TBX6: variants seen among roughly 807,000 people sequenced by gnomAD.
TBX6 encodes the protein T-box transcription factor TBX6.
Under a neutral mutation model 42.3 loss-of-function variants are expected in TBX6, and 29 were observed. That is an observed-to-expected ratio of 0.69 (90% confidence interval 0.51 to 0.93). The LOEUF is 0.93. Ranked by LOEUF, TBX6 falls within the 40% of genes least tolerant of loss-of-function variation. The pLI is 0.00. For missense variants in TBX6, 569 were observed against 603.3 expected (o/e 0.94, Z 0.59); for synonymous variants, 249 against 245.1 (o/e 1.02, Z -0.15).
Position 30,088,542 on chromosome 16 carries a change from C to T in TBX6, c.839+3G>A, listed in dbSNP as rs1014065031. On this transcript the variant is annotated splice_donor_region_variant and intron_variant, in intron 6 of 8. Transcript: ENST00000395224. This position sits in a 1 kb window ranked among gnomAD's most constrained non-coding sequence, Gnocchi z 4.1. ...CATGAACAAATGAATGAACAACTCC[C>T]ACCTCTTACAGTTTCTGCCGTTCTC... 5 of 1,614,208 alleles carry T rather than the reference C, an allele frequency of 3.1e-6. No individual in the cohort carries two copies. The highest frequency in any genetic ancestry group is 1.1e-5 in the South Asian group (1 of 91,084).
intron 6 of TBX6, chr16:30,087,906 T>TC (rs1168193363): frequency 6.8e-6 from 1 of 146,818 alleles, no homozygotes; most frequent in African/African-American, 2.6e-5. Flanking sequence ...TTCTTTTTTT[T>TC]TTTTTTTTTG....
intron 1 of TBX6, chr16:30,091,444 C>G (rs1418460028): frequency 2.2e-6 from 1 of 450,266 alleles, no homozygotes; most frequent in African/African-American, 2.0e-5. Context: ...GCCTCGACCC[C>G]CTGCCCCCTC....
At position 30,086,266 on chromosome 16, in the gene TBX6, G is replaced by A. The variant is rs1352619264; in HGVS notation, c.1270C>T (p.Pro424Ser). ...GGPFPLPYTA[P>S]GGYLDVGSKP... ...GAGCCCACATCCAGATAGCCCCCAG[G>A]CGCGGTGTATGGTAGAGGGAAGGGG... Residue 424 changes from proline (P) to serine (S), a missense_variant, in exon 9 of 9, where the codon CCT becomes TCT. Pro to Ser is a moderately conservative substitution (Grantham distance 74). This residue lies in a region of TBX6 where 245 missense variants were observed against 227.4 expected (regional missense o/e 1.08). Transcript: ENST00000395224. This position sits in a 1 kb window ranked among gnomAD's most constrained non-coding sequence, Gnocchi z 4.6. 3.1e-6 allele frequency: 5 copies of A among 1,612,282 alleles called. No individual in the cohort carries two copies. The highest frequency in any genetic ancestry group is 2.0e-4 in the Middle Eastern group (1 of 4,982).
At position 30,088,949 on chromosome 16, in the gene TBX6, G is replaced by GT. The variant is rs1567341648; in HGVS notation, c.614dup (p.His205GlnfsTer75). ...GTCCCAGCCTGGGCCTCACGTGGCC[G>GT]TGGGGGTCCAGCGTGCTGTTGGTGA... On this transcript the variant is annotated frameshift_variant, in exon 4 of 9. Coordinates refer to ENST00000395224, the MANE Select transcript of TBX6 (RefSeq NM_004608.4). LOFTEE classifies it high-confidence loss of function. This position sits in a 1 kb window ranked among gnomAD's most constrained non-coding sequence, Gnocchi z 4.1. The GT allele has an allele frequency of 6.2e-7, 1 of 1,607,004 alleles. No homozygotes were observed. Among genetic ancestry groups the GT allele is most frequent in the Admixed American group, 1.7e-5 (1 of 59,828 alleles).
In TBX6 at chr16:30,088,907, C is replaced by T; in HGVS notation, c.621+36G>A. On this transcript the variant is annotated intron_variant, in intron 4 of 8. Coordinates refer to ENST00000395224, the MANE Select transcript of TBX6 (RefSeq NM_004608.4). This position sits in a 1 kb window ranked among gnomAD's most constrained non-coding sequence, Gnocchi z 4.1. ...ACCCTTGGCCTCCCTTCCAGCACCC[C>T]CCAACCCTATCCTGGAGTCCCAGCC... is the stretch of plus-strand genomic sequence containing the variant. The T allele has an allele frequency of 6.2e-7, 1 of 1,603,496 alleles. No homozygotes were observed. The highest frequency in any genetic ancestry group is 8.5e-7 in the Non-Finnish European group (1 of 1,172,286).
chr16:30,087,932 T>A, intron 6 of TBX6: 1 of 133,726 alleles, frequency 7.5e-6, no homozygotes, highest in African/African-American at 2.6e-5. Flanking sequence ...GAGTTTTCTT[T>A]TCTTTCTTTT....
rs1426370264 is a variant in TBX6 at position 30,088,619 on chromosome 16, G to C, written c.769-4C>G. 3.7e-6 allele frequency: 6 copies of C among 1,614,168 alleles called. No individual in the cohort carries two copies. The highest frequency in any genetic ancestry group is 5.1e-6 in the Non-Finnish European group (6 of 1,180,044). On this transcript the variant is annotated splice_polypyrimidine_tract_variant and splice_region_variant and intron_variant, in intron 5 of 8. Coordinates refer to ENST00000395224, the MANE Select transcript of TBX6 (RefSeq NM_004608.4). This position sits in a 1 kb window ranked among gnomAD's most constrained non-coding sequence, Gnocchi z 4.1. The stretch of plus-strand genomic sequence containing the variant: ...CTGCAATCTTCAGTTGTGTGATCTG[G>C]GGACACACATGCAGGGTCAAAGCAA...
At position 30,088,334 on chromosome 16, in the gene TBX6, GC is replaced by G; in HGVS notation, c.839+210del. 1 of 652,876 alleles carries G rather than the reference GC, an allele frequency of 1.5e-6. No homozygotes were observed. The highest frequency in any genetic ancestry group is 2.7e-6 in the Non-Finnish European group (1 of 375,472). 40.4% of individuals were successfully genotyped at this position (652,876 alleles called of 1,614,324 possible). ...CCCACTAGAAATCAGCTGCATGAGGGCCGGGGCTTTGGTTTGCTTTGTTTGT... is the reference window on the plus strand; with the variant it reads ...CCCACTAGAAATCAGCTGCATGAGGGCGGGGCTTTGGTTTGCTTTGTTTGT... On this transcript the variant is annotated intron_variant, in intron 6 of 8. Transcript: ENST00000395224. This position sits in a 1 kb window ranked among gnomAD's most constrained non-coding sequence, Gnocchi z 4.1.
rs773149674 is a variant in TBX6 at position 30,091,168 on chromosome 16, G to A, written c.26C>T (p.Pro9Leu). The A allele has an allele frequency of 1.4e-5, 23 of 1,592,468 alleles. No homozygotes were observed. The Admixed American group carries it at 3.0e-4, about 21-fold the overall frequency. Residue 9 changes from proline to leucine, a missense_variant, in exon 2 of 9, where the codon CCG (proline) becomes CTG (leucine). Pro to Leu is a moderately conservative substitution (Grantham distance 98). This residue lies in a region of TBX6 where 134 missense variants were observed against 125.3 expected (regional missense o/e 1.07). Coordinates refer to ENST00000395224, the MANE Select transcript of TBX6 (RefSeq NM_004608.4). The part of the protein sequence containing the change: MYHPRELY[P>L]SLGAGYRLGP... ...CAGGCGGTAGCCGGCCCCCAGGGAC[G>A]GGTACAATTCTCGTGGATGGTACAT... is the stretch of plus-strand genomic sequence containing the variant.
At chr16:30,090,111 GACTA>G (rs1405706382) in intron 3 of TBX6, among the ~76,000 whole-genome samples, 1 of 152,232 alleles carries the variant, frequency 6.6e-6, no homozygotes, top group East Asian at 1.9e-4. Flanking sequence ...AAGCAGGGGT[GACTA>G]ACTTTCTTGC....
chr16:30,088,500 T>C lies in TBX6; in HGVS notation c.839+45A>G, dbSNP rs1031562205. Reference sequence around the variant, plus strand: ...TGCCTGGCACACAGTGAGTGATTAATAAACATTTGTTGAATGCATGAACAA... The same window carrying C: ...TGCCTGGCACACAGTGAGTGATTAACAAACATTTGTTGAATGCATGAACAA... On this transcript the variant is annotated intron_variant, in intron 6 of 8. Coordinates refer to ENST00000395224, the MANE Select transcript of TBX6 (RefSeq NM_004608.4). The surrounding 1 kb of genome is among the most constrained non-coding windows in gnomAD (Gnocchi z 4.1). 43 of 1,613,106 alleles carry C rather than the reference T, an allele frequency of 2.7e-5. No homozygotes were observed. The highest frequency in any genetic ancestry group is 3.3e-5 in the South Asian group (3 of 91,070).
In TBX6 at chr16:30,090,875, G is replaced by A; in HGVS notation, c.236C>T (p.Pro79Leu). 6.2e-7 allele frequency: 1 copy of A among 1,608,082 alleles called. No individual in the cohort carries two copies. Among genetic ancestry groups the A allele is most frequent in the Non-Finnish European group, 8.5e-7 (1 of 1,176,468 alleles). ...GGAATGGAGGGCCTCTGGAGCTGAT[G>A]GGGCCGGCTCAGTGCCCATGGCAGG... is the stretch of plus-strand genomic sequence containing the variant. ...LPPAMGTEPA[P>L]SAPEALHSLP... The change falls in exon 3 of 9, where the codon CCA (proline) becomes CTA (leucine). Residue 79 changes from proline to leucine, a missense_variant. This residue lies in a region of TBX6 where 134 missense variants were observed against 125.3 expected (regional missense o/e 1.07). Coordinates refer to ENST00000395224, the MANE Select transcript of TBX6 (RefSeq NM_004608.4).
Position 30,086,770 on chromosome 16 carries a change from A to G in TBX6, c.913+8T>C, listed in dbSNP as rs2072639823. On this transcript the variant is annotated splice_region_variant and intron_variant, in intron 7 of 8. Coordinates refer to ENST00000395224, the MANE Select transcript of TBX6 (RefSeq NM_004608.4). The surrounding 1 kb of genome is among the most constrained non-coding windows in gnomAD (Gnocchi z 4.6). ...GCCTGGCCCCATCGCCATCGGGACTACACTCACCTCCGCTCCCATAGGCCT... is the reference window on the plus strand; with the variant it reads ...GCCTGGCCCCATCGCCATCGGGACTGCACTCACCTCCGCTCCCATAGGCCT... 2 of 1,613,774 alleles carry G rather than the reference A, an allele frequency of 1.2e-6. No homozygotes were observed. Among genetic ancestry groups the G allele is most frequent in the African/African-American group, 1.3e-5 (1 of 74,846 alleles).
In TBX6 at chr16:30,088,933, T is replaced by C; in HGVS notation, c.621+10A>G. 5 of 1,604,848 alleles carry C rather than the reference T, an allele frequency of 3.1e-6. No individual in the cohort carries two copies. Among genetic ancestry groups the C allele is most frequent in the South Asian group, 1.1e-5 (1 of 90,548 alleles). On this transcript the variant is annotated intron_variant, in intron 4 of 8. Transcript: ENST00000395224. This position sits in a 1 kb window ranked among gnomAD's most constrained non-coding sequence, Gnocchi z 4.1. ...CCAACCCTATCCTGGAGTCCCAGCC[T>C]GGGCCTCACGTGGCCGTGGGGGTCC...
At position 30,090,876 on chromosome 16, in the gene TBX6, G is replaced by C. The variant is rs770852964; in HGVS notation, c.235C>G (p.Pro79Ala). ...LPPAMGTEPA[P>A]SAPEALHSLP... ...GAATGGAGGGCCTCTGGAGCTGATG[G>C]GGCCGGCTCAGTGCCCATGGCAGGG... The change falls in exon 3 of 9, where the codon CCA (proline) becomes GCA (alanine). Residue 79 changes from proline (P) to alanine (A), a missense_variant. This residue lies in a region of TBX6 where 134 missense variants were observed against 125.3 expected (regional missense o/e 1.07). Transcript: ENST00000395224. 4 of 1,607,918 alleles carry C rather than the reference G, an allele frequency of 2.5e-6. No homozygotes were observed. Among genetic ancestry groups the C allele is most frequent in the East Asian group, 2.2e-5 (1 of 44,816 alleles).
rs749704789 is a variant in TBX6 at position 30,090,948 on chromosome 16, C to T, written c.163G>A (p.Ala55Thr). Residue 55 changes from alanine (A) to threonine (T), a missense_variant, in exon 3 of 9, where the codon GCT (alanine) becomes ACT (threonine). Ala to Thr is a moderately conservative substitution (Grantham distance 58). Coordinates refer to ENST00000395224, the MANE Select transcript of TBX6 (RefSeq NM_004608.4). ...TGCGCGGCCAGGGTGCGGGGAGCAG[C>T]CTCCATCCCGGAGAGGAAGCAATCC... ...KLDCFLSGME[A>T]APRTLAAHPP... 2 of 1,613,376 alleles carry T rather than the reference C, an allele frequency of 1.2e-6. No homozygotes were observed. The highest frequency in any genetic ancestry group is 1.7e-6 in the Non-Finnish European group (2 of 1,179,894).
Position 30,085,896 on chromosome 16 carries a change from T to G in TBX6, c.*329A>C. On this transcript the variant is annotated 3_prime_UTR_variant, in exon 9 of 9. Transcript: ENST00000395224. Reference sequence around the variant, plus strand: ...ACCAGTGTGTGTGGGGGGGTGGGGATTGAGCCCCTCCAGAGCCCATGGGGA... The same window carrying G: ...ACCAGTGTGTGTGGGGGGGTGGGGAGTGAGCCCCTCCAGAGCCCATGGGGA... The G allele has an allele frequency of 2.8e-6, 1 of 351,754 alleles. No homozygotes were observed. The highest frequency in any genetic ancestry group is 5.2e-6 in the Non-Finnish European group (1 of 192,162). 21.8% of individuals were successfully genotyped at this position (351,754 alleles called of 1,614,324 possible).
At position 30,090,939 on chromosome 16, in the gene TBX6, G is replaced by C; in HGVS notation, c.172C>G (p.Arg58Gly). Reference protein sequence around the residue: ...CFLSGMEAAPRTLAAHPPLPL... With the variant: ...CFLSGMEAAPGTLAAHPPLPL... ...AGAGGTGGGTGCGCGGCCAGGGTGCGGGGAGCAGCCTCCATCCCGGAGAGG... is the reference window on the plus strand; with the variant it reads ...AGAGGTGGGTGCGCGGCCAGGGTGCCGGGAGCAGCCTCCATCCCGGAGAGG... Residue 58 changes from arginine (R) to glycine (G), a missense_variant, in exon 3 of 9, where the codon CGC becomes GGC. Physicochemically the swap from Arg to Gly is moderately radical, Grantham distance 125. This residue lies in a region of TBX6 where 134 missense variants were observed against 125.3 expected (regional missense o/e 1.07). Transcript: ENST00000395224. 1 of 1,613,214 alleles carries C rather than the reference G, an allele frequency of 6.2e-7. No individual in the cohort carries two copies. Among genetic ancestry groups the C allele is most frequent in the Non-Finnish European group, 8.5e-7 (1 of 1,179,882 alleles).
In TBX6 at chr16:30,086,754, C is replaced by T. The variant is rs1483074266; in HGVS notation, c.913+24G>A. On this transcript the variant is annotated intron_variant, in intron 7 of 8. Transcript: ENST00000395224. This position sits in a 1 kb window ranked among gnomAD's most constrained non-coding sequence, Gnocchi z 4.6. ...AGGATCCCTGTCTCAGGCCTGGCCC[C>T]ATCGCCATCGGGACTACACTCACCT... 2.0e-5 allele frequency: 33 copies of T among 1,613,720 alleles called. No homozygotes were observed. The highest frequency in any genetic ancestry group is 2.8e-5 in the Non-Finnish European group (33 of 1,179,830).
Sources: allele counts gnomAD v4.1 joint callset (sites outside exome capture counted in the v4.1 genomes callset), GRCh38; gene constraint gnomAD v4.1.1; regional missense constraint gnomAD v4.1.1; non-coding constraint Gnocchi (gnomAD v3.1); transcripts MANE v1.5; gene names NCBI Gene and HGNC (gene_info 2026-07-23, HGNC 2026-07-21).